SCLT1: variants seen among roughly 807,000 people sequenced by gnomAD.
SCLT1 encodes sodium channel and clathrin linker 1.
A neutral mutation model predicts 112.8 loss-of-function variants in SCLT1; 78 were observed. The ratio of observed to expected loss-of-function variants is 0.69; its 90% CI spans 0.58 to 0.83. The LOEUF is 0.83. Ranked by LOEUF, SCLT1 falls within the 40% of genes least tolerant of loss-of-function variation. The probability of loss-of-function intolerance (pLI) is 0.00; values close to 1 mark genes in which losing one functional copy is unlikely to be tolerated. For missense variants in SCLT1, 747 were observed against 770.4 expected, an observed-to-expected ratio of 0.97 and a Z score of 0.36; for synonymous variants, 257 against 254.7, an observed-to-expected ratio of 1.01 and a Z score of -0.09.
intron 18 of SCLT1, among the ~76,000 whole-genome samples, chr4:128,904,773 T>C (rs1435103697): frequency 6.6e-6 from 1 of 152,198 alleles, no homozygotes; most frequent in African/African-American, 2.4e-5. Context: ...GCAAAATGGT[T>C]AGCAAATGCA....
In SCLT1 at chr4:128,999,717, A is replaced by G. The variant is rs1743302057; in HGVS notation, c.504T>C (p.His168=). 2 of 1,608,088 alleles carry G rather than the reference A, an allele frequency of 1.2e-6. No individual in the cohort carries two copies. Among genetic ancestry groups the G allele is most frequent in the Non-Finnish European group, 1.7e-6 (2 of 1,175,736 alleles). Residue 168 remains histidine, a synonymous_variant, in exon 7 of 21, where the codon CAT becomes CAC. Coordinates refer to ENST00000281142, the MANE Select transcript of SCLT1 (RefSeq NM_144643.4). The part of the protein sequence containing the change: ...LDRLHKLYQE[H]MTEAQIHVFE... ...ATACATGAATCTGGGCCTCAGTCATATGTTCCTGGTAAAGCTTGTGTAGTC... is the reference window on the plus strand; with the variant it reads ...ATACATGAATCTGGGCCTCAGTCATGTGTTCCTGGTAAAGCTTGTGTAGTC...
chr4:129,064,721 T>C (rs1750317552), intron 2 of SCLT1, among the ~76,000 whole-genome samples: 2 of 152,180 alleles, frequency 1.3e-5, no homozygotes, highest in South Asian at 4.1e-4. Flanking sequence ...TCTAGCTTAA[T>C]TTAGAAATTT....
rs369449346 is a variant in SCLT1 at position 128,930,004 on chromosome 4, A to T, written c.1829+6651T>A. Among the ~76,000 whole-genome samples the T allele has an allele frequency of 7.2e-4, 109 of 152,284 alleles. 2 individuals are homozygous for T. The South Asian group carries it at 0.021, about 30-fold the overall frequency. The stretch of plus-strand genomic sequence containing the variant: ...GTATGTACACAAGTAAAATACACAG[A>T]TTTGGTCTTACGGTGGTTATAAAAT... On this transcript the variant is annotated intron_variant, in intron 18 of 20. Coordinates refer to ENST00000281142, the MANE Select transcript of SCLT1 (RefSeq NM_144643.4).
chr4:128,958,472 G>C lies in SCLT1; in HGVS notation c.1047+1128C>G, dbSNP rs73847311. Among the ~76,000 whole-genome samples the C allele has an allele frequency of 4.1e-3, 628 of 152,264 alleles. 1 individual carries two copies. Among genetic ancestry groups the C allele is most frequent in the African/African-American group, 0.012 (512 of 41,544 alleles). ...TTGTAACCATAGACAGCCTCTGTGA[G>C]CGTCTGTTGACTTAAGATTTGAGTG... On this transcript the variant is annotated intron_variant, in intron 12 of 20. Coordinates refer to ENST00000281142, the MANE Select transcript of SCLT1 (RefSeq NM_144643.4).
At chr4:128,889,129 G>C (rs1363061593) in intron 19 of SCLT1, among the ~76,000 whole-genome samples, 3 of 152,136 alleles carry the variant, frequency 2.0e-5, no homozygotes, top group East Asian at 1.9e-4. Context: ...AGTAGGGGTG[G>C]GATGAACTGT....
intron 6 of SCLT1, 85 bp from the exon 7 acceptor site, chr4:128,999,879 A>G: frequency 1.2e-6 from 1 of 814,848 alleles, no homozygotes; most frequent in Non-Finnish European, 1.8e-6. Flanking sequence ...TTTATAGAAT[A>G]AGTTCTTATA....
chr4:128,960,629 C>T (rs1307880989), intron 11 of SCLT1, among the ~76,000 whole-genome samples: 1 of 152,022 alleles, frequency 6.6e-6, no homozygotes, highest in African/African-American at 2.4e-5. Flanking sequence ...TTTATAAGAA[C>T]TCTAAATTAG....
chr4:129,016,928 T>C (rs1464471304), intron 5 of SCLT1, among the ~76,000 whole-genome samples: 1 of 152,208 alleles, frequency 6.6e-6, no homozygotes, highest in Non-Finnish European at 1.5e-5. Context: ...TTACAGTACC[T>C]ACTCTGTCAT....
At chr4:128,962,982 C>T (rs1476571753) in intron 11 of SCLT1, among the ~76,000 whole-genome samples, 1 of 152,048 alleles carries the variant, frequency 6.6e-6, no homozygotes, top group Non-Finnish European at 1.5e-5. Context: ...TGAATATTTG[C>T]TGAAGAAAGG....
intron 10 of SCLT1, among the ~76,000 whole-genome samples, chr4:128,965,829 C>CTTTT (rs34253075): frequency 1.6e-5 from 2 of 123,856 alleles, no homozygotes; most frequent in Admixed American, 8.7e-5. Flanking sequence ...GATGCCATAA[C>CTTTT]TTTTTTTTTT....
chr4:129,037,210 T>C (rs1367781205), intron 5 of SCLT1: 2 of 152,028 alleles, frequency 1.3e-5, no homozygotes, highest in Non-Finnish European at 2.9e-5. Context: ...TCTGGGAATA[T>C]ACATTTGAAA....
At chr4:128,967,416 T>A (rs1440646268) in intron 10 of SCLT1, among the ~76,000 whole-genome samples, 1 of 152,226 alleles carries the variant, frequency 6.6e-6, no homozygotes, top group African/African-American at 2.4e-5. Context: ...TTTTGAGTTC[T>A]TTGAGAAATC....
intron 9 of SCLT1, among the ~76,000 whole-genome samples, chr4:128,986,335 C>CT (rs1262217509): frequency 1.3e-5 from 2 of 152,214 alleles, no homozygotes; most frequent in Non-Finnish European, 2.9e-5. Flanking sequence ...AAAACCAAGT[C>CT]TTTGCTGCCT....
chr4:129,000,182 T>C (rs1192206002), intron 6 of SCLT1, among the ~76,000 whole-genome samples: 1 of 151,912 alleles, frequency 6.6e-6, no homozygotes, highest in East Asian at 1.9e-4. Context: ...TAAATTTTCA[T>C]TGTGGAAAAT....
At chr4:128,951,519 C>T (rs1738734186) in intron 14 of SCLT1, among the ~76,000 whole-genome samples, 1 of 152,132 alleles carries the variant, frequency 6.6e-6, no homozygotes, top group African/African-American at 2.4e-5. Context: ...CCCTGGAAGT[C>T]TTAGCCAGTC....
intron 10 of SCLT1, 54 bp from the exon 11 acceptor site, chr4:128,965,372 C>A: frequency 9.4e-7 from 1 of 1,061,924 alleles, no homozygotes; most frequent in Non-Finnish European, 1.5e-6. Context: ...ATTCAATACA[C>A]CATTATACAG....
In SCLT1 at chr4:128,997,957, G is replaced by A. The variant is rs539194713; in HGVS notation, c.550-18C>T. On this transcript the variant is annotated intron_variant, in intron 7 of 20. Transcript: ENST00000281142. ...AGCTGATCCTACAGTGGGAAGGTAAGGGGAGTATATAAATAGCATTTTGTT... is the reference window on the plus strand; with the variant it reads ...AGCTGATCCTACAGTGGGAAGGTAAAGGGAGTATATAAATAGCATTTTGTT... The A allele has an allele frequency of 1.5e-6, 2 of 1,378,506 alleles. No individual in the cohort carries two copies. Among genetic ancestry groups the A allele is most frequent in the Non-Finnish European group, 1.9e-6 (2 of 1,027,810 alleles). 85.4% of individuals were successfully genotyped at this position (1,378,506 alleles called of 1,614,324 possible). A position where few individuals can be genotyped will look rare whatever the true frequency, so the allele number is the denominator to read the frequency against.
chr4:129,014,222 C>G lies in SCLT1; in HGVS notation c.291-10346G>C, dbSNP rs189372065. 2.6e-3 allele frequency among the ~76,000 whole-genome samples: 396 copies of G among 152,184 alleles called. 1 individual carries two copies. Among genetic ancestry groups the G allele is most frequent in the Non-Finnish European group, 4.8e-3 (327 of 68,006 alleles). On this transcript the variant is annotated intron_variant, in intron 5 of 20. Transcript: ENST00000281142. ...GGCAGCTCCTGCATTGTTTTATCAT[C>G]GTTCTTAGCTTCCTTGGATGGGTTT...
At chr4:129,012,225 G>A (rs1475305969) in intron 5 of SCLT1, among the ~76,000 whole-genome samples, 1 of 152,128 alleles carries the variant, frequency 6.6e-6, no homozygotes, top group Non-Finnish European at 1.5e-5. Flanking sequence ...ATTCTGGTAT[G>A]TTGTATCTTT....
Sources: allele counts gnomAD v4.1 joint callset (sites outside exome capture counted in the v4.1 genomes callset), GRCh38; gene constraint gnomAD v4.1.1; transcripts MANE v1.5; gene names NCBI Gene and HGNC (gene_info 2026-07-23, HGNC 2026-07-21).